The following SLC22A12 variants were observed in gnomAD, a reference collection of about 807,000 sequenced individuals.
The protein encoded by SLC22A12 is organic anion transporter 4-like protein.
In SLC22A12, 56 loss-of-function variants were observed where a neutral mutation model predicts 52.7. That is an observed-to-expected ratio of 1.06 (90% CI 0.86 to 1.33). The LOEUF is 1.33. SLC22A12 is among the 40% of genes most tolerant of loss of function. The pLI, the probability that SLC22A12 is intolerant of heterozygous loss-of-function variation, is 0.00. For missense variants in SLC22A12, 683 were observed against 741.5 expected, an observed-to-expected ratio of 0.92 and a Z score of 0.92; for synonymous variants, 337 against 324.6, an observed-to-expected ratio of 1.04 and a Z score of -0.41.
intron 6 of SLC22A12, 75 bp from the exon 7 acceptor site, chr11:64,599,601 C>CCCCTTGTTG: frequency 1.6e-6 from 1 of 617,354 alleles, no homozygotes; most frequent in Non-Finnish European, 2.4e-6. Context: ...GCCCCCACCG[C>CCCCTTGTTG]CCATTGTTCC....
rs367678216 is a variant in SLC22A12, at chr11:64,598,610, G to C, written c.925G>C (p.Gly309Arg). ...GAGGGTGGCTGCCATCAACGGAAAG[G>C]GGGCAGTGCAGGACACCCTGACCCC... ...LWRVAAINGK[G>R]AVQDTLTPEV... The change falls in exon 5 of 10, where the codon GGG (glycine) becomes CGG (arginine). Residue 309 changes from glycine to arginine, a missense_variant. Transcript: ENST00000377574. 1.7e-5 allele frequency: 27 copies of C among 1,611,038 alleles called. No individual in the cohort carries two copies. The African/African-American group carries it at 3.3e-4, about 20-fold the overall frequency.
rs1328924058 is a variant in SLC22A12, at chr11:64,592,895, A to C, written c.506+13A>C. The C allele has an allele frequency of 6.2e-7, 1 of 1,609,190 alleles. No homozygotes were observed. The highest frequency in any genetic ancestry group is 8.5e-7 in the Non-Finnish European group (1 of 1,176,664). ...CTGCCTCAGACAGGTGAGTACCCCC[A>C]GTCCAGGCAGGTCCCAGTTCCCCTC... On this transcript the variant is annotated intron_variant, in intron 2 of 9. Coordinates refer to ENST00000377574, the MANE Select transcript of SLC22A12 (RefSeq NM_144585.4).
rs145738825 is a variant in SLC22A12 at position 64,593,650 on chromosome 11, C to T, written c.677C>T (p.Ala226Val). The change falls in exon 4 of 10, where the codon GCG becomes GTG. Residue 226 changes from alanine to valine, a missense_variant. By Grantham distance (64) the Ala-to-Val change is moderately conservative (BLOSUM62 0). Transcript: ENST00000377574. ...NTGTLLMEWT[A>V]ARARPLVMTL... ...CTCCTTGCAGTGATGGAGTGGACGGCGGCACGGGCCCGACCCTTGGTGATG... is the reference window on the plus strand; with the variant it reads ...CTCCTTGCAGTGATGGAGTGGACGGTGGCACGGGCCCGACCCTTGGTGATG... 1.0e-4 allele frequency: 163 copies of T among 1,614,032 alleles called. No homozygotes were observed. Among genetic ancestry groups the T allele is most frequent in the African/African-American group, 3.1e-4 (23 of 74,944 alleles).
intron 1 of SLC22A12, 35 bp from the exon 2 acceptor site, chr11:64,592,744 A>G: frequency 1.3e-6 from 2 of 1,578,710 alleles, no homozygotes; most frequent in Non-Finnish European, 1.7e-6. Flanking sequence ...GGGCTCTCCC[A>G]ACCTCCTGAG....
chr11:64,593,538 A>G lies in SLC22A12; in HGVS notation c.640A>G (p.Met214Val). Residue 214 changes from methionine to valine, a missense_variant, in exon 3 of 10, where the codon ATG (methionine) becomes GTG (valine). Met to Val is a conservative substitution (Grantham distance 21, BLOSUM62 1). Coordinates refer to ENST00000377574, the MANE Select transcript of SLC22A12 (RefSeq NM_144585.4). Reference protein sequence around the residue: ...FLLAFAVAGVMMNTGTLLMEW... With the variant: ...FLLAFAVAGVVMNTGTLLMEW... Reference sequence around the variant, plus strand: ...GTTGGCCTTTGCCGTGGCAGGCGTCATGATGAACACGGGCACTCTCCGTAG... The same window carrying G: ...GTTGGCCTTTGCCGTGGCAGGCGTCGTGATGAACACGGGCACTCTCCGTAG... 1 of 1,614,188 alleles carries G rather than the reference A, an allele frequency of 6.2e-7. No homozygotes were observed. The highest frequency in any genetic ancestry group is 8.5e-7 in the Non-Finnish European group (1 of 1,180,048).
At chr11:64,595,330 G>A (rs2039117704) in intron 4 of SLC22A12, among the ~76,000 whole-genome samples, 3 of 124,570 alleles carry the variant, frequency 2.4e-5, no homozygotes, top group Non-Finnish European at 5.2e-5. Context: ...TGGATGGATG[G>A]ATGGTTGAAT....
chr11:64,592,932 T>G (rs147299193), intron 2 of SLC22A12, 50 bp downstream of exon 2: 181 of 1,521,458 alleles, frequency 1.2e-4, no homozygotes, highest in Non-Finnish European at 1.6e-4. Flanking sequence ...CAACCCCTGC[T>G]CTCCTAGGAC....
chr11:64,599,100 A>G (rs1264440163), intron 6 of SLC22A12, among the ~76,000 whole-genome samples, 177 bp downstream of exon 6: 1 of 152,122 alleles, frequency 6.6e-6, no homozygotes, highest in Non-Finnish European at 1.5e-5. Flanking sequence ...GGGCTCACTG[A>G]GGGGGCCTTA....
rs1259290052 is a variant in SLC22A12 at position 64,598,794 on chromosome 11, C to T, written c.955-14C>T. On this transcript the variant is annotated splice_polypyrimidine_tract_variant and intron_variant, in intron 5 of 9. Transcript: ENST00000377574. ...CGCCCCCAGTGCCAACAGCACCCAC[C>T]CCCGCCTCCACAGGTCTTGCTTTCA... 6 of 1,612,104 alleles carry T rather than the reference C, an allele frequency of 3.7e-6. No individual in the cohort carries two copies. Among genetic ancestry groups the T allele is most frequent in the African/African-American group, 1.3e-5 (1 of 74,946 alleles).
chr11:64,599,904 G>C lies in SLC22A12; in HGVS notation c.1285+14G>C, dbSNP rs1403050697. On this transcript the variant is annotated intron_variant, in intron 7 of 9. Transcript: ENST00000377574. Reference sequence around the variant, plus strand: ...TGGTGCCCCACGGTGAGGGGGCAAAGCTGTACACCAGAGACTTCCCTACCT... The same window carrying C: ...TGGTGCCCCACGGTGAGGGGGCAAACCTGTACACCAGAGACTTCCCTACCT... The C allele has an allele frequency of 6.2e-7, 1 of 1,610,510 alleles. No homozygotes were observed. The highest frequency in any genetic ancestry group is 2.2e-5 in the East Asian group (1 of 44,752).
intron 6 of SLC22A12, 51 bp from the exon 7 acceptor site, chr11:64,599,609 TCCCACCCTGCCCACCA>T: frequency 4.5e-6 from 1 of 221,474 alleles, no homozygotes; most frequent in Non-Finnish European, 8.1e-6. Context: ...CGCCCATTGT[TCCCACCCTGCCCACCA>T]CCCCCCCCCA....
chr11:64,597,588 G>A (rs2039289336), intron 4 of SLC22A12, among the ~76,000 whole-genome samples: 1 of 152,180 alleles, frequency 6.6e-6, no homozygotes, highest in Non-Finnish European at 1.5e-5. Context: ...ATATGCACCT[G>A]GAATCTCCAC....
chr11:64,594,483 T>G (rs61884370), intron 4 of SLC22A12, among the ~76,000 whole-genome samples: 17,764 of 91,662 alleles, frequency 0.19, 1,389 homozygotes, highest in South Asian at 0.29. Flanking sequence ...TAGAAATAGA[T>G]AGATAGGTAG....
At position 64,593,571 on chromosome 11, in the gene SLC22A12, A is replaced by T; in HGVS notation, c.661+12A>T. On this transcript the variant is annotated intron_variant, in intron 3 of 9. Transcript: ENST00000377574. ...CACGGGCACTCTCCGTAGGTCTCTGACCTGGCGCCATGCAGGGGGGCTCCA... is the reference window on the plus strand; with the variant it reads ...CACGGGCACTCTCCGTAGGTCTCTGTCCTGGCGCCATGCAGGGGGGCTCCA... The T allele has an allele frequency of 6.2e-7, 1 of 1,614,086 alleles. No individual in the cohort carries two copies. The highest frequency in any genetic ancestry group is 8.5e-7 in the Non-Finnish European group (1 of 1,179,998).
At position 64,593,399 on chromosome 11, in the gene SLC22A12, C is replaced by T. The variant is rs755766423; in HGVS notation, c.507-6C>T. Reference sequence around the variant, plus strand: ...AGACCCTGCCTCTTCCTGGTTTGTGCCGCAGGTTTGGGCGCAGGCTGGTGC... The same window carrying T: ...AGACCCTGCCTCTTCCTGGTTTGTGTCGCAGGTTTGGGCGCAGGCTGGTGC... On this transcript the variant is annotated splice_polypyrimidine_tract_variant and splice_region_variant and intron_variant, in intron 2 of 9. Transcript: ENST00000377574. 9 of 1,613,980 alleles carry T rather than the reference C, an allele frequency of 5.6e-6. No homozygotes were observed. In the East Asian group the frequency reaches 1.3e-4, roughly 24 times the overall value.
chr11:64,601,881 G>A lies in SLC22A12; in HGVS notation c.*330G>A, dbSNP rs958314013. On this transcript the variant is annotated 3_prime_UTR_variant, in exon 10 of 10. Coordinates refer to ENST00000377574, the MANE Select transcript of SLC22A12 (RefSeq NM_144585.4). The stretch of plus-strand genomic sequence containing the variant: ...CCTTGCCAACCCTCTGCTTGACTCC[G>A]CACTGCCACTTGTCCCCCCACACCC... The A allele has an allele frequency of 1.2e-4, 45 of 386,252 alleles. No individual in the cohort carries two copies. Among genetic ancestry groups the A allele is most frequent in the South Asian group, 5.9e-4 (28 of 47,168 alleles). The allele number at this position is 386,252 out of a possible 1,614,324, so 23.9% of individuals were successfully genotyped here.
Position 64,600,925 on chromosome 11 carries a change from G to C in SLC22A12, c.1585G>C (p.Asp529His), listed in dbSNP as rs892117065. The C allele has an allele frequency of 7.5e-6, 12 of 1,608,618 alleles. No homozygotes were observed. The highest frequency in any genetic ancestry group is 1.7e-5 in the Admixed American group (1 of 60,012). The change falls in exon 9 of 10, where the codon GAT becomes CAT. Residue 529 changes from aspartate (D) to histidine (H), a missense_variant. Coordinates refer to ENST00000377574, the MANE Select transcript of SLC22A12 (RefSeq NM_144585.4). ...CTTGCCGCTGCCCGACACCATCCAA[G>C]ATGTGCAGAACCAGTGAGTGGACCC... ...QSLPLPDTIQDVQNQAVKKAT... is the reference protein window; with the variant it reads ...QSLPLPDTIQHVQNQAVKKAT...
intron 4 of SLC22A12, among the ~76,000 whole-genome samples, chr11:64,594,941 G>GA: frequency 1.4e-5 from 1 of 69,026 alleles, no homozygotes; most frequent in African/African-American, 1.0e-4. Context: ...TGGATGGTTG[G>GA]ATGGATGGAT....
In SLC22A12 at chr11:64,601,773, G is replaced by A. The variant is rs535199633; in HGVS notation, c.*222G>A. ...GGGGAAAAGGACAGTTTGATTGGCAGGAGGTGACCCAGTGCACCATCACCC... is the reference window on the plus strand; with the variant it reads ...GGGGAAAAGGACAGTTTGATTGGCAAGAGGTGACCCAGTGCACCATCACCC... On this transcript the variant is annotated 3_prime_UTR_variant, in exon 10 of 10. Coordinates refer to ENST00000377574, the MANE Select transcript of SLC22A12 (RefSeq NM_144585.4). The A allele has an allele frequency of 5.3e-5, 29 of 544,562 alleles. No individual in the cohort carries two copies. The highest frequency in any genetic ancestry group is 2.3e-4 in the East Asian group (7 of 29,848). 33.7% of individuals were successfully genotyped at this position (544,562 alleles called of 1,614,324 possible).
Sources: allele counts gnomAD v4.1 joint callset (sites outside exome capture counted in the v4.1 genomes callset), GRCh38; gene constraint gnomAD v4.1.1; transcripts MANE v1.5; gene names NCBI Gene and HGNC (gene_info 2026-07-23, HGNC 2026-07-21).